The following SULF2 variants were observed in gnomAD, a reference collection of about 807,000 sequenced individuals.
SULF2 encodes sulfatase 2, also known as extracellular sulfatase Sulf-2.
A neutral mutation model predicts 107.7 loss-of-function variants in SULF2; 52 were observed. The ratio of observed to expected loss-of-function variants is 0.48; its 90% CI spans 0.39 to 0.61. SULF2 has a LOEUF of 0.61. Ranked by LOEUF, SULF2 falls within the 20% of genes least tolerant of loss-of-function variation. The probability of loss-of-function intolerance (pLI) is 0.00; values close to 1 mark genes in which losing one functional copy is unlikely to be tolerated. For synonymous variants in SULF2, 460 were observed against 464.3 expected (o/e 0.99, Z 0.12); for missense variants, 993 against 1,177.3 (o/e 0.84, Z 2.29).
intron 2 of SULF2, among the ~76,000 whole-genome samples, chr20:47,743,805 G>A (rs2089945366): frequency 6.6e-6 from 1 of 152,104 alleles, no homozygotes; most frequent in African/African-American, 2.4e-5. Context: ...CTCTGCTCCA[G>A]TCACATTGAC....
At chr20:47,769,896 A>AG (rs2090597122) in intron 1 of SULF2, among the ~76,000 whole-genome samples, 1 of 151,800 alleles carries the variant, frequency 6.6e-6, no homozygotes, top group Non-Finnish European at 1.5e-5. Flanking sequence ...GTGGATATTT[A>AG]GGGGAAGAGC....
intron 3 of SULF2, among the ~76,000 whole-genome samples, chr20:47,728,030 C>T (rs977168816): frequency 3.3e-5 from 5 of 152,146 alleles, no homozygotes; most frequent in African/African-American, 4.8e-5. Context: ...CGTGGATACT[C>T]GGATCCCCAC....
At chr20:47,674,346 A>C (rs1255563513) in intron 10 of SULF2, among the ~76,000 whole-genome samples, 1 of 152,212 alleles carries the variant, frequency 6.6e-6, no homozygotes, top group Admixed American at 6.5e-5. Context: ...CCGCAGCCCA[A>C]CTACCTGGGT....
chr20:47,669,382 G>A (rs1196671046), intron 11 of SULF2, among the ~76,000 whole-genome samples: 1 of 152,178 alleles, frequency 6.6e-6, no homozygotes, highest in Non-Finnish European at 1.5e-5. Context: ...ATCAAACTCT[G>A]TGGTGGGGGC....
At chr20:47,670,723 T>TGGGAGCGGGGG (rs2087440613) in intron 11 of SULF2, among the ~76,000 whole-genome samples, 1 of 105,288 alleles carries the variant, frequency 9.5e-6, no homozygotes, top group African/African-American at 3.6e-5. Context: ...GGGAGCGGGG[T>TGGGAGCGGGGG]GGGAGAATGG....
intron 1 of SULF2, among the ~76,000 whole-genome samples, chr20:47,772,812 G>C (rs1432129355): frequency 6.6e-6 from 1 of 152,206 alleles, no homozygotes; most frequent in Non-Finnish European, 1.5e-5. Flanking sequence ...TCCAGTCAAT[G>C]GGACCTGGTT....
At chr20:47,763,453 C>T (rs2090458506) in intron 1 of SULF2, among the ~76,000 whole-genome samples, 1 of 152,164 alleles carries the variant, frequency 6.6e-6, no homozygotes, top group Non-Finnish European at 1.5e-5. Flanking sequence ...CTGAGGATCT[C>T]CAAATCCAAC....
At chr20:47,659,506 A>G (rs1051700835) in intron 19 of SULF2, 54 bp from the exon 20 acceptor site, 3 of 1,579,902 alleles carry the variant, frequency 1.9e-6, no homozygotes, top group Admixed American at 1.7e-5. Context: ...CAAGAAAGAA[A>G]AAGTCCCCAA....
chr20:47,670,793 A>G (rs1263832630), intron 11 of SULF2, among the ~76,000 whole-genome samples: 1 of 97,460 alleles, frequency 1.0e-5, no homozygotes, highest in Non-Finnish European at 2.3e-5. Context: ...CATTTAGCAG[A>G]TAGGTTGCGT....
intron 2 of SULF2, among the ~76,000 whole-genome samples, chr20:47,738,173 G>A (rs902563200): frequency 2.0e-5 from 3 of 152,228 alleles, no homozygotes; most frequent in African/African-American, 7.2e-5. Flanking sequence ...GTCCCAGGAG[G>A]GCAAAGGCTG....
chr20:47,783,099 G>A (rs2090860797), intron 1 of SULF2, among the ~76,000 whole-genome samples: 1 of 152,168 alleles, frequency 6.6e-6, no homozygotes, highest in Non-Finnish European at 1.5e-5. Context: ...TTACTTAACA[G>A]GGTATTTGTG....
intron 2 of SULF2, among the ~76,000 whole-genome samples, chr20:47,752,029 A>G (rs571254133): frequency 6.6e-6 from 1 of 152,326 alleles, no homozygotes; most frequent in East Asian, 1.9e-4. Context: ...GTGCCAGCTC[A>G]CCTGCATGAG....
chr20:47,707,756 A>G (rs2088796024), intron 3 of SULF2, among the ~76,000 whole-genome samples: 1 of 152,194 alleles, frequency 6.6e-6, no homozygotes, highest in Non-Finnish European at 1.5e-5. Context: ...TCTTCCCCTA[A>G]GCTAGCTTTG....
At chr20:47,690,411 T>G in intron 4 of SULF2, 116 bp from the exon 5 acceptor site, 1 of 746,918 alleles carries the variant, frequency 1.3e-6, no homozygotes, top group Non-Finnish European at 1.9e-6. Context: ...CAAAACAATT[T>G]CTGCCCTTCT....
rs2087722933 is a variant in SULF2 at position 47,678,539 on chromosome 20, TGGTTGGCATGGCGGGA to T, written c.1193+121_1193+136del. 7 of 828,094 alleles carry T rather than the reference TGGTTGGCATGGCGGGA, an allele frequency of 8.5e-6. No individual in the cohort carries two copies. The highest frequency in any genetic ancestry group is 2.6e-5 in the Admixed American group (1 of 37,850). The allele number at this position is 828,094 out of a possible 1,614,324, so 51.3% of individuals were successfully genotyped here. A position where few individuals can be genotyped will look rare whatever the true frequency, so the allele number is the denominator to read the frequency against. ...ATGCTTCTCTCCCACAGCAGGTAAG[TGGTTGGCATGGCGGGA>T]CCTGAGAACCCCAGCTCCCGACCCT... On this transcript the variant is annotated intron_variant, in intron 8 of 20. Coordinates refer to ENST00000688720, the MANE Select transcript of SULF2 (RefSeq NM_001387048.1). This position sits in a 1 kb window ranked among gnomAD's most constrained non-coding sequence, Gnocchi z 4.5.
intron 17 of SULF2, among the ~76,000 whole-genome samples, chr20:47,662,258 G>A: frequency 6.6e-6 from 1 of 152,180 alleles, no homozygotes; most frequent in Non-Finnish European, 1.5e-5. Flanking sequence ...AGCTCCTCCT[G>A]ATTGCAAAGC....
At chr20:47,723,805 A>C (rs2146711438) in intron 3 of SULF2, among the ~76,000 whole-genome samples, 1 of 152,364 alleles carries the variant, frequency 6.6e-6, no homozygotes, top group South Asian at 2.1e-4. Flanking sequence ...AGTGAGATGT[A>C]TAATTATTTC....
chr20:47,767,399 C>T lies in SULF2; in HGVS notation c.-100-9936G>A, dbSNP rs538954426. 7.2e-5 allele frequency among the ~76,000 whole-genome samples: 11 copies of T among 152,324 alleles called. No individual in the cohort carries two copies. The South Asian group carries it at 2.3e-3, about 32-fold the overall frequency. On this transcript the variant is annotated intron_variant, in intron 1 of 20. Coordinates refer to ENST00000688720, the MANE Select transcript of SULF2 (RefSeq NM_001387048.1). ...GCGGCTTACACCTGTAATCCCAGCA[C>T]TTTGGGAGGCCAAGGCAGGTGGATC...
intron 14 of SULF2, 33 bp from the exon 15 acceptor site, chr20:47,664,222 G>A: frequency 6.3e-7 from 1 of 1,599,092 alleles, no homozygotes; most frequent in Non-Finnish European, 8.5e-7. Context: ...CAGGCTTCAG[G>A]AGTGGCTCAG....
Sources: gnomAD v4.1 joint callset for allele counts (sites outside exome capture counted in the v4.1 genomes callset) on GRCh38, gnomAD v4.1.1 for gene constraint, Gnocchi (gnomAD v3.1) non-coding constraint, MANE v1.5 for transcripts, NCBI Gene and HGNC (gene_info 2026-07-23, HGNC 2026-07-21) for gene names.